Variants in PRKG1 observed in about 807,000 individuals in gnomAD.
PRKG1 encodes the protein cGMP-dependent protein kinase 1.
A neutral mutation model predicts 88.1 loss-of-function variants in PRKG1; 35 were observed. The ratio of observed to expected loss-of-function variants is 0.40; its 90% CI spans 0.30 to 0.53. The LOEUF (loss-of-function observed/expected upper bound fraction) is 0.53, where lower values mean the gene tolerates loss of function less well. Among genes scored for constraint, PRKG1 ranks in the 20% least tolerant of loss-of-function variants. PRKG1 has a pLI of 0.59. For missense variants in PRKG1, 540 were observed against 839.8 expected, an observed-to-expected ratio of 0.64 and a Z score of 4.41; for synonymous variants, 303 against 292.5, an observed-to-expected ratio of 1.04 and a Z score of -0.37.
At chr10:51,188,769 A>G (rs377505365) in intron 2 of PRKG1, among the ~76,000 whole-genome samples, 1 of 151,956 alleles carries the variant, frequency 6.6e-6, no homozygotes, top group Non-Finnish European at 1.5e-5. Context: ...GTCTAATCCC[A>G]AAGAAAACTC....
intron 1 of PRKG1, among the ~76,000 whole-genome samples, chr10:51,054,775 G>A (rs1443777040): frequency 6.6e-6 from 1 of 152,128 alleles, no homozygotes; most frequent in African/African-American, 2.4e-5. Flanking sequence ...AAGCCCACAA[G>A]CTGTATGATT....
intron 1 of PRKG1, among the ~76,000 whole-genome samples, chr10:51,147,797 G>C (rs1014164889): frequency 6.6e-6 from 1 of 152,098 alleles, no homozygotes; most frequent in Non-Finnish European, 1.5e-5. Flanking sequence ...GACTATTTTT[G>C]TCATAAGATT....
intron 4 of PRKG1, among the ~76,000 whole-genome samples, chr10:51,818,964 G>A (rs1192956263): frequency 4.7e-5 from 5 of 107,414 alleles, no homozygotes; most frequent in Admixed American, 2.5e-4. Context: ...CCGAGATCCC[G>A]CCACTGCACT....
At chr10:51,132,821 C>G (rs1456391408) in intron 1 of PRKG1, among the ~76,000 whole-genome samples, 4 of 151,208 alleles carry the variant, frequency 2.6e-5, no homozygotes, top group Admixed American at 6.6e-5. Context: ...TTCACAAAAA[C>G]TGATAAATAA....
At chr10:51,114,733 C>G (rs1238574948) in intron 1 of PRKG1, among the ~76,000 whole-genome samples, 2 of 152,014 alleles carry the variant, frequency 1.3e-5, no homozygotes, top group Non-Finnish European at 2.9e-5. Context: ...CTGGTGTACT[C>G]TTTTCAGCTG....
At chr10:51,679,539 T>C (rs748883324) in intron 3 of PRKG1, among the ~76,000 whole-genome samples, 5 of 152,082 alleles carry the variant, frequency 3.3e-5, no homozygotes, top group Non-Finnish European at 5.9e-5. Context: ...AGTTACTTCC[T>C]ATAACTTTCA....
At chr10:52,193,560 A>C (rs1839424121) in intron 9 of PRKG1, among the ~76,000 whole-genome samples, 1 of 29,732 alleles carries the variant, frequency 3.4e-5, no homozygotes, top group Non-Finnish European at 1.0e-4. Flanking sequence ...AAAAAAAAAA[A>C]AACAAAAAAA....
intron 3 of PRKG1, among the ~76,000 whole-genome samples, chr10:51,659,664 A>G (rs947334118): frequency 6.6e-6 from 1 of 152,126 alleles, no homozygotes; most frequent in African/African-American, 2.4e-5. Context: ...AACAAGGCAG[A>G]TTCAGGTTTT....
At chr10:52,121,883 G>GGCT (rs1847826936) in intron 7 of PRKG1, among the ~76,000 whole-genome samples, 2 of 151,880 alleles carry the variant, frequency 1.3e-5, no homozygotes, top group South Asian at 4.2e-4. Flanking sequence ...TTTTTTCCTG[G>GGCT]GCTGCTGCTT....
intron 2 of PRKG1, among the ~76,000 whole-genome samples, chr10:51,343,480 A>G (rs1400261799): frequency 1.3e-5 from 2 of 152,204 alleles, no homozygotes; most frequent in Admixed American, 1.3e-4. Flanking sequence ...AATATCTTTT[A>G]AAAACACAGT....
chr10:51,692,839 A>G (rs1411969322), intron 3 of PRKG1, among the ~76,000 whole-genome samples: 1 of 152,204 alleles, frequency 6.6e-6, no homozygotes, highest in Non-Finnish European at 1.5e-5. Flanking sequence ...TGCAGATATT[A>G]TACATACTCA....
chr10:51,598,303 T>C (rs1838508643), intron 3 of PRKG1, among the ~76,000 whole-genome samples: 2 of 152,306 alleles, frequency 1.3e-5, no homozygotes, highest in African/African-American at 4.8e-5. Flanking sequence ...AGAGAGAGTC[T>C]TGCTCTATCA....
At chr10:51,995,126 G>A (rs1477331453) in intron 5 of PRKG1, among the ~76,000 whole-genome samples, 1 of 151,912 alleles carries the variant, frequency 6.6e-6, no homozygotes, top group Non-Finnish European at 1.5e-5. Context: ...TTAATTCAAA[G>A]CCAATTCTTT....
intron 4 of PRKG1, among the ~76,000 whole-genome samples, chr10:51,857,840 G>A (rs1840722038): frequency 6.6e-6 from 1 of 151,508 alleles, no homozygotes; most frequent in African/African-American, 2.4e-5. Context: ...AGCCAATGGA[G>A]AGAACGTCAT....
chr10:51,471,629 A>T (rs1403176612), intron 3 of PRKG1, among the ~76,000 whole-genome samples: 2 of 151,964 alleles, frequency 1.3e-5, no homozygotes, highest in Non-Finnish European at 2.9e-5. Flanking sequence ...ACTTAAAAGG[A>T]AAAGGCGTTT....
intron 3 of PRKG1, among the ~76,000 whole-genome samples, chr10:51,488,878 AT>A (rs1840622739): frequency 6.6e-6 from 1 of 152,114 alleles, no homozygotes; most frequent in African/African-American, 2.4e-5. Context: ...TTTCTCTCTG[AT>A]ATGTCAAGAG....
At chr10:51,872,345 C>T (rs1841179485) in intron 4 of PRKG1, among the ~76,000 whole-genome samples, 1 of 152,092 alleles carries the variant, frequency 6.6e-6, no homozygotes, top group Non-Finnish European at 1.5e-5. Flanking sequence ...AGTGAGACAA[C>T]TTATGTAAAG....
chr10:51,317,902 T>C lies in PRKG1; in HGVS notation c.479-149821T>C, dbSNP rs74133574. On this transcript the variant is annotated intron_variant, in intron 2 of 17. Coordinates refer to ENST00000373980, the MANE Select transcript of PRKG1 (RefSeq NM_006258.4). The stretch of plus-strand genomic sequence containing the variant: ...TCTCTAACCACAGTCTTTCCTGTAA[T>C]GGGCATTTGTACCTGCCATTCTTTT... Among the ~76,000 whole-genome samples, 549 of 152,316 alleles carry C rather than the reference T, an allele frequency of 3.6e-3. 4 individuals are homozygous for C. The highest frequency in any genetic ancestry group is 0.012 in the African/African-American group (487 of 41,586).
At chr10:51,675,017 A>C (rs990237859) in intron 3 of PRKG1, among the ~76,000 whole-genome samples, 1 of 152,224 alleles carries the variant, frequency 6.6e-6, no homozygotes, top group African/African-American at 2.4e-5. Context: ...AATGTTACGT[A>C]GGTATCTAAA....
Sources: allele counts gnomAD v4.1 joint callset (sites outside exome capture counted in the v4.1 genomes callset), GRCh38; gene constraint gnomAD v4.1.1; transcripts MANE v1.5; gene names NCBI Gene and HGNC (gene_info 2026-07-23, HGNC 2026-07-21).